The following FAF1 variants were observed in gnomAD, a reference collection of about 807,000 sequenced individuals.
The protein encoded by FAF1 is Fas associated factor 1.
A neutral mutation model predicts 92.5 loss-of-function variants in FAF1; 25 were observed. That is an observed-to-expected ratio of 0.27 (90% CI 0.20 to 0.38). FAF1 has a LOEUF of 0.38. Among genes scored for constraint, FAF1 ranks in the 10% least tolerant of loss-of-function variants. FAF1 has a pLI of 1.00. For synonymous variants in FAF1, 234 were observed against 273.2 expected (o/e 0.86, Z 1.42); for missense variants, 636 against 793.3 (o/e 0.80, Z 2.38).
In FAF1 at chr1:50,494,331, T is replaced by C. The variant is rs147785620; in HGVS notation, c.1495-2530A>G. ...TGTGGTTAACACTTCATGTATAAAT[T>C]TGTTCTCATAACCTGTAGATGTGCC... On this transcript the variant is annotated intron_variant, in intron 15 of 18. Coordinates refer to ENST00000396153, the MANE Select transcript of FAF1 (RefSeq NM_007051.3). 6.6e-3 allele frequency among the ~76,000 whole-genome samples: 1,011 copies of C among 152,330 alleles called. 15 individuals carry two copies. Among genetic ancestry groups the C allele is most frequent in the African/African-American group, 0.023 (944 of 41,570 alleles).
At chr1:50,709,427 A>T (rs1251406595) in intron 6 of FAF1, among the ~76,000 whole-genome samples, 1 of 152,250 alleles carries the variant, frequency 6.6e-6, no homozygotes, top group Non-Finnish European at 1.5e-5. Context: ...CTAGAAGGTG[A>T]TTCAATTCAA....
chr1:50,733,576 T>C (rs1169688341), intron 6 of FAF1, among the ~76,000 whole-genome samples: 1 of 152,168 alleles, frequency 6.6e-6, no homozygotes, highest in African/African-American at 2.4e-5. Context: ...GGGATTGATG[T>C]CCTTATAAAA....
At position 50,710,897 on chromosome 1, in the gene FAF1, C is replaced by T. The variant is rs1488442133; in HGVS notation, c.552-5006G>A. ...GATTATAGGCATGAGCCACCGAGCC[C>T]GGCCAAGTGGCATTTGTTTTTTTTT... On this transcript the variant is annotated intron_variant, in intron 6 of 18. Coordinates refer to ENST00000396153, the MANE Select transcript of FAF1 (RefSeq NM_007051.3). Among the ~76,000 whole-genome samples the T allele has an allele frequency of 7.2e-4, 107 of 148,390 alleles. 2 individuals are homozygous for T. Among genetic ancestry groups the T allele is most frequent in the South Asian group, 4.3e-4 (2 of 4,664 alleles).
chr1:50,538,439 T>A (rs1454793636), intron 14 of FAF1, among the ~76,000 whole-genome samples: 1 of 151,818 alleles, frequency 6.6e-6, no homozygotes, highest in Non-Finnish European at 1.5e-5. Flanking sequence ...CAATGAAGAA[T>A]ATGACTACTA....
At chr1:50,769,700 A>G (rs923927338) in intron 4 of FAF1, among the ~76,000 whole-genome samples, 1 of 152,218 alleles carries the variant, frequency 6.6e-6, no homozygotes, top group Non-Finnish European at 1.5e-5. Flanking sequence ...AAACCACATG[A>G]TCATTTCAAC....
intron 8 of FAF1, among the ~76,000 whole-genome samples, chr1:50,601,070 C>G (rs1431176668): frequency 1.3e-5 from 2 of 152,106 alleles, no homozygotes; most frequent in African/African-American, 4.8e-5. Flanking sequence ...AACTAATTTT[C>G]ATGAATAATG....
At chr1:50,942,406 C>A (rs750456775) in intron 1 of FAF1, among the ~76,000 whole-genome samples, 1 of 151,242 alleles carries the variant, frequency 6.6e-6, no homozygotes. Context: ...CACTGCACCA[C>A]ATCACATGTA....
At chr1:50,496,853 TACTC>T (rs1646905138) in intron 15 of FAF1, among the ~76,000 whole-genome samples, 2 of 150,620 alleles carry the variant, frequency 1.3e-5, no homozygotes, top group African/African-American at 4.9e-5. Flanking sequence ...TGCACCATTG[TACTC>T]CAGTCTGGGC....
At chr1:50,497,540 CTTTTTT>C (rs61258960) in intron 15 of FAF1, among the ~76,000 whole-genome samples, 5 of 100,504 alleles carry the variant, frequency 5.0e-5, no homozygotes, top group African/African-American at 1.4e-4. Flanking sequence ...ATTCAAAACT[CTTTTTT>C]TTTTTTTTTT....
At chr1:50,524,798 T>C (rs1247150286) in intron 15 of FAF1, among the ~76,000 whole-genome samples, 1 of 152,210 alleles carries the variant, frequency 6.6e-6, no homozygotes, top group African/African-American at 2.4e-5. Flanking sequence ...CCCTGTAGTA[T>C]AGTTTGAAGT....
At chr1:50,509,040 T>C (rs759671512) in intron 15 of FAF1, among the ~76,000 whole-genome samples, 13 of 152,358 alleles carry the variant, frequency 8.5e-5, no homozygotes, top group Middle Eastern at 6.8e-3. Flanking sequence ...TTTTCTGTTA[T>C]GTGAATTTCA....
chr1:50,635,448 C>T (rs781451069), intron 8 of FAF1, among the ~76,000 whole-genome samples: 1 of 152,136 alleles, frequency 6.6e-6, no homozygotes, highest in African/African-American at 2.4e-5. Flanking sequence ...TTTCTTGAGA[C>T]CATGTCTCAC....
intron 12 of FAF1, among the ~76,000 whole-genome samples, chr1:50,575,572 C>A (rs1650689749): frequency 6.6e-6 from 1 of 152,024 alleles, no homozygotes; most frequent in Non-Finnish European, 1.5e-5. Context: ...CATTCTCTTA[C>A]AGCAAATACA....
intron 18 of FAF1, among the ~76,000 whole-genome samples, chr1:50,452,763 G>A (rs1279924763): frequency 1.3e-5 from 2 of 152,156 alleles, no homozygotes; most frequent in Non-Finnish European, 2.9e-5. Flanking sequence ...TGGATTAAGT[G>A]CTAATTAGGG....
intron 2 of FAF1, among the ~76,000 whole-genome samples, chr1:50,829,154 A>G (rs1477746396): frequency 6.6e-6 from 1 of 152,212 alleles, no homozygotes; most frequent in Non-Finnish European, 1.5e-5. Flanking sequence ...TGGAACTCTC[A>G]AACTCTGCCA....
chr1:50,706,523 T>C (rs534756463), intron 6 of FAF1, among the ~76,000 whole-genome samples: 32 of 152,214 alleles, frequency 2.1e-4, no homozygotes, highest in Admixed American at 1.3e-3. Flanking sequence ...TGAAGAGTAT[T>C]TGAAATTAGT....
At chr1:50,930,963 T>C (rs1570154212) in intron 1 of FAF1, among the ~76,000 whole-genome samples, 3 of 149,954 alleles carry the variant, frequency 2.0e-5, no homozygotes, top group Admixed American at 2.0e-4. Context: ...TAGTCTAACA[T>C]TATTAATTAA....
intron 7 of FAF1, among the ~76,000 whole-genome samples, chr1:50,673,644 C>T (rs1655995580): frequency 6.6e-6 from 1 of 152,100 alleles, no homozygotes; most frequent in African/African-American, 2.4e-5. Context: ...TCTTGACAGT[C>T]ATTCTTTATT....
intron 7 of FAF1, among the ~76,000 whole-genome samples, chr1:50,663,563 C>T (rs933803082): frequency 6.6e-6 from 1 of 151,284 alleles, no homozygotes; most frequent in African/African-American, 2.5e-5. Context: ...CCACCACACC[C>T]GGCTAATTTT....
Sources: allele counts gnomAD v4.1 joint callset (sites outside exome capture counted in the v4.1 genomes callset), GRCh38; gene constraint gnomAD v4.1.1; transcripts MANE v1.5; gene names NCBI Gene and HGNC (gene_info 2026-07-23, HGNC 2026-07-21).